ACVR1C: variants seen among roughly 807,000 people sequenced by gnomAD.
ACVR1C encodes the protein activin A receptor type 1C.
A neutral mutation model predicts 57.9 loss-of-function variants in ACVR1C; 23 were observed. The observed-to-expected ratio is 0.40, with a 90% CI of 0.29 to 0.56. The LOEUF is 0.56. ACVR1C is among the 20% of genes least tolerant of loss of function. The pLI, the probability that ACVR1C is intolerant of heterozygous loss-of-function variation, is 0.50. For missense variants in ACVR1C, 480 were observed against 607.9 expected, an observed-to-expected ratio of 0.79 and a Z score of 2.21; for synonymous variants, 214 against 215.3, an observed-to-expected ratio of 0.99 and a Z score of 0.05.
At chr2:157,584,439 T>C (rs1688868842) in intron 2 of ACVR1C, among the ~76,000 whole-genome samples, 1 of 152,160 alleles carries the variant, frequency 6.6e-6, no homozygotes, top group Non-Finnish European at 1.5e-5. Context: ...CTCAAATAGA[T>C]ACTTTATAGA....
At chr2:157,554,211 G>GAAAGAAAGAAAGAAAGAAAGAAAGAA (rs1688003217) in intron 3 of ACVR1C, among the ~76,000 whole-genome samples, 1 of 68,322 alleles carries the variant, frequency 1.5e-5, no homozygotes, top group African/African-American at 7.6e-5. Context: ...GAGAAAGAAA[G>GAAAGAAAGAAAGAAAGAAAGAAAGAA]AAAGAAAGAA....
chr2:157,567,951 A>C, intron 2 of ACVR1C, among the ~76,000 whole-genome samples: 2 of 83,600 alleles, frequency 2.4e-5, no homozygotes, highest in African/African-American at 4.3e-5. Flanking sequence ...AAAAAATGTT[A>C]AGGGCAGCCA....
At chr2:157,588,559 A>G (rs1413352997) in intron 1 of ACVR1C, among the ~76,000 whole-genome samples, 2 of 151,760 alleles carry the variant, frequency 1.3e-5, no homozygotes, top group Middle Eastern at 3.4e-3. Flanking sequence ...ATTGTACTCA[A>G]TAGATAATTT....
At chr2:157,622,225 T>A (rs1055384056) in intron 1 of ACVR1C, among the ~76,000 whole-genome samples, 4 of 151,892 alleles carry the variant, frequency 2.6e-5, no homozygotes, top group African/African-American at 9.7e-5. Context: ...TACTATAAGG[T>A]ATAACTAATG....
chr2:157,575,151 G>A (rs959829191), intron 2 of ACVR1C, among the ~76,000 whole-genome samples: 6 of 147,356 alleles, frequency 4.1e-5, no homozygotes, highest in African/African-American at 1.3e-4. Flanking sequence ...TTTTTTTGAC[G>A]GAGTTTTGCT....
chr2:157,622,656 C>T (rs1252079236), intron 1 of ACVR1C, among the ~76,000 whole-genome samples: 1 of 152,090 alleles, frequency 6.6e-6, no homozygotes, highest in East Asian at 1.9e-4. Context: ...GAAACTACTA[C>T]AAGAAAACAT....
At chr2:157,563,452 C>G (rs369224066) in intron 2 of ACVR1C, among the ~76,000 whole-genome samples, 3 of 152,156 alleles carry the variant, frequency 2.0e-5, no homozygotes, top group African/African-American at 7.2e-5. Flanking sequence ...AACCACTGCT[C>G]AAGAAAATAA....
chr2:157,564,946 G>A (rs1016284405), intron 2 of ACVR1C, among the ~76,000 whole-genome samples: 18 of 152,008 alleles, frequency 1.2e-4, no homozygotes, highest in Admixed American at 3.9e-4. Flanking sequence ...CACACACACC[G>A]GGACCTGTCA....
intron 2 of ACVR1C, among the ~76,000 whole-genome samples, chr2:157,556,822 C>T (rs2105225981): frequency 6.6e-6 from 1 of 152,056 alleles, no homozygotes; most frequent in South Asian, 2.1e-4. Flanking sequence ...CACCACCATG[C>T]CCAGCTAATT....
intron 4 of ACVR1C, among the ~76,000 whole-genome samples, chr2:157,545,807 C>T (rs1687742198): frequency 6.6e-6 from 1 of 152,076 alleles, no homozygotes; most frequent in Admixed American, 6.5e-5. Flanking sequence ...CAGCATGTCG[C>T]TCTGTCGCTT....
intron 2 of ACVR1C, among the ~76,000 whole-genome samples, chr2:157,584,031 A>G (rs552883842): frequency 2.0e-5 from 3 of 151,456 alleles, no homozygotes; most frequent in Non-Finnish European, 3.0e-5. Context: ...CAAAATTTCA[A>G]CCTTGTGCTC....
At position 157,549,120 on chromosome 2, in the gene ACVR1C, C is replaced by T. The variant is rs112472580; in HGVS notation, c.775+1042G>A. ...CCTGTAAATCCAGCACTTTAGGAGG[C>T]CGAGGGGGGTGGATAACGAGGTCAG... On this transcript the variant is annotated intron_variant, in intron 4 of 8. Transcript: ENST00000243349. 8.5e-3 allele frequency among the ~76,000 whole-genome samples: 1,300 copies of T among 152,112 alleles called. 16 individuals are homozygous for T. The highest frequency in any genetic ancestry group is 0.029 in the African/African-American group (1,222 of 41,488).
At chr2:157,590,779 T>C (rs971983257) in intron 1 of ACVR1C, among the ~76,000 whole-genome samples, 2 of 151,998 alleles carry the variant, frequency 1.3e-5, no homozygotes, top group African/African-American at 4.8e-5. Flanking sequence ...AGTCATATCA[T>C]GGGCAAGCAT....
chr2:157,584,362 C>G (rs542078334), intron 2 of ACVR1C, among the ~76,000 whole-genome samples: 76 of 152,130 alleles, frequency 5.0e-4, no homozygotes, highest in Non-Finnish European at 9.9e-4. Context: ...TCTTGGCCTC[C>G]CAAAGTGCTG....
intron 2 of ACVR1C, among the ~76,000 whole-genome samples, chr2:157,563,924 T>C (rs1051488912): frequency 1.3e-5 from 2 of 152,162 alleles, no homozygotes; most frequent in African/African-American, 2.4e-5. Flanking sequence ...TGCAGAAAAC[T>C]AAAACTGGAT....
At chr2:157,545,836 G>A (rs929999534) in intron 4 of ACVR1C, among the ~76,000 whole-genome samples, 5 of 152,058 alleles carry the variant, frequency 3.3e-5, no homozygotes, top group African/African-American at 4.8e-5. Context: ...GTGCAGTGTC[G>A]CAATCTCGGC....
intron 6 of ACVR1C, among the ~76,000 whole-genome samples, chr2:157,541,773 C>T (rs1687630042): frequency 6.6e-6 from 1 of 152,210 alleles, no homozygotes; most frequent in Non-Finnish European, 1.5e-5. Flanking sequence ...TCACAAGAGG[C>T]ATTCACAGGC....
chr2:157,543,198 TTACAAAA>T (rs2105208495), intron 5 of ACVR1C, among the ~76,000 whole-genome samples: 2 of 152,304 alleles, frequency 1.3e-5, no homozygotes, highest in East Asian at 3.9e-4. Context: ...AAATATTGTT[TTACAAAA>T]TAAGTCTGAA....
In ACVR1C at chr2:157,534,138, A is replaced by T. The variant is rs539156116; in HGVS notation, c.1357-95T>A. 1.8e-4 allele frequency: 213 copies of T among 1,163,760 alleles called. 6 individuals carry two copies. In the South Asian group the frequency reaches 4.9e-3, roughly 27 times the overall value. The allele number at this position is 1,163,760 out of a possible 1,614,324, so 72.1% of individuals were successfully genotyped here. A position where few individuals can be genotyped will look rare whatever the true frequency, so the allele number is the denominator to read the frequency against. On this transcript the variant is annotated intron_variant, in intron 8 of 8. Transcript: ENST00000243349. The stretch of plus-strand genomic sequence containing the variant: ...GCCATAAATCCAGGAATTGATGCTA[A>T]GCTTTTTTTTTTTTTTTAAGAGATG...
Sources: allele counts gnomAD v4.1 joint callset (sites outside exome capture counted in the v4.1 genomes callset), GRCh38; gene constraint gnomAD v4.1.1; transcripts MANE v1.5; gene names NCBI Gene and HGNC (gene_info 2026-07-23, HGNC 2026-07-21).